Variants in EXOSC10 observed in about 807,000 individuals in gnomAD.
The protein encoded by EXOSC10 is exosome component 10, also known as exosome complex component 10.
EXOSC10 carries 94 observed loss-of-function variants against 126.6 expected under a neutral mutation model. The observed-to-expected ratio is 0.74, with a 90% CI of 0.63 to 0.88. The LOEUF is 0.88. Ranked by LOEUF, EXOSC10 falls within the 40% of genes least tolerant of loss-of-function variation. EXOSC10 has a pLI of 0.00. For synonymous variants in EXOSC10, 395 were observed against 400.8 expected (o/e 0.99, Z 0.17); for missense variants, 1,041 against 1,100.5 (o/e 0.95, Z 0.77).
rs758602364 is a variant in EXOSC10 at position 11,067,981 on chromosome 1, T to C, written c.2627+27A>G. On this transcript the variant is annotated intron_variant, in intron 24 of 24. Coordinates refer to ENST00000376936, the MANE Select transcript of EXOSC10 (RefSeq NM_001001998.3). ...GCAGGTGCTTTCTCACTGGGCTCCC[T>C]GGGCCACACCGCCGTCCACCACATA... 11 of 1,610,320 alleles carry C rather than the reference T, an allele frequency of 6.8e-6. No individual in the cohort carries two copies. In the South Asian group the frequency reaches 1.1e-4, roughly 16 times the overall value.
chr1:11,073,133 T>G (rs1432036896), intron 19 of EXOSC10: 1 of 152,192 alleles, frequency 6.6e-6, no homozygotes. Context: ...AGTTTCCAAG[T>G]GCTTTTCTTT....
intron 6 of EXOSC10, among the ~76,000 whole-genome samples, chr1:11,089,277 G>C (rs1266522466): frequency 7.5e-6 from 1 of 133,794 alleles, no homozygotes; most frequent in Non-Finnish European, 1.6e-5. Flanking sequence ...ATCCTAATAA[G>C]AAAGGCAGAG....
At chr1:11,083,972 G>C (rs1640343342) in intron 9 of EXOSC10, among the ~76,000 whole-genome samples, 1 of 152,056 alleles carries the variant, frequency 6.6e-6, no homozygotes, top group South Asian at 2.1e-4. Context: ...CTTTTTTATG[G>C]CTGCGTAGTA....
At position 11,071,002 on chromosome 1, in the gene EXOSC10, T is replaced by C. The variant is rs369718814; in HGVS notation, c.2243-29A>G. 13 of 1,608,830 alleles carry C rather than the reference T, an allele frequency of 8.1e-6. No homozygotes were observed. In the African/African-American group the frequency reaches 1.3e-4, roughly 17 times the overall value. On this transcript the variant is annotated intron_variant, in intron 20 of 24. Coordinates refer to ENST00000376936, the MANE Select transcript of EXOSC10 (RefSeq NM_001001998.3). Reference sequence around the variant, plus strand: ...CAAGGGAGAGAACTTGTCTCTGGAGTTGGTGAATCCAGCAACCACCCTCCC... The same window carrying C: ...CAAGGGAGAGAACTTGTCTCTGGAGCTGGTGAATCCAGCAACCACCCTCCC...
intron 16 of EXOSC10, 57 bp from the exon 17 acceptor site, chr1:11,077,005 T>C: frequency 7.1e-7 from 1 of 1,416,396 alleles, no homozygotes. Flanking sequence ...TATTTTTTCT[T>C]TTTGAGATGG....
In EXOSC10 at chr1:11,090,551, T is replaced by C. The variant is rs1376154571; in HGVS notation, c.758+3A>G. On this transcript the variant is annotated splice_donor_region_variant and intron_variant, in intron 6 of 24. Transcript: ENST00000376936. ...AGAAAGTCAGACACAGGCCAACACT[T>C]ACATGTCTTGCTCAACCTGCTGGGT... 2 of 1,612,798 alleles carry C rather than the reference T, an allele frequency of 1.2e-6. No homozygotes were observed. The highest frequency in any genetic ancestry group is 8.5e-7 in the Non-Finnish European group (1 of 1,178,886).
At chr1:11,095,651 T>C in intron 3 of EXOSC10, 107 bp downstream of exon 3, 1 of 1,015,636 alleles carries the variant, frequency 9.8e-7, no homozygotes, top group Non-Finnish European at 1.5e-6. Flanking sequence ...GAGGCAGAGC[T>C]TGCAGTGAGT....
intron 2 of EXOSC10, 141 bp from the exon 3 acceptor site, chr1:11,096,022 T>G: frequency 5.4e-6 from 5 of 929,778 alleles, no homozygotes; most frequent in Non-Finnish European, 7.8e-6. Context: ...CTTGCTCTGT[T>G]GCCCAGGCTG....
At chr1:11,089,596 G>C (rs1418568701) in intron 6 of EXOSC10, among the ~76,000 whole-genome samples, 1 of 147,434 alleles carries the variant, frequency 6.8e-6, no homozygotes, top group Admixed American at 6.9e-5. Flanking sequence ...ACTCCAGCCT[G>C]AGCAACAAGA....
chr1:11,067,067 C>T (rs541282527), intron 24 of EXOSC10, among the ~76,000 whole-genome samples: 1 of 152,238 alleles, frequency 6.6e-6, no homozygotes. Flanking sequence ...GAGGCCAAGG[C>T]GGGAGGATCA....
intron 7 of EXOSC10, 103 bp downstream of exon 7, chr1:11,088,020 C>T (rs1037707992): frequency 1.6e-6 from 2 of 1,270,678 alleles, no homozygotes; most frequent in African/African-American, 1.5e-5. Flanking sequence ...AACTTTCTCC[C>T]TTAAAGATCT....
intron 1 of EXOSC10, 129 bp downstream of exon 1, chr1:11,099,592 G>A: frequency 1.0e-6 from 1 of 993,874 alleles, no homozygotes; most frequent in South Asian, 1.8e-5. Context: ...TGCGCCCAGC[G>A]CGGACAGGGG....
chr1:11,088,282 A>G, intron 6 of EXOSC10, 84 bp from the exon 7 acceptor site: 1 of 953,446 alleles, frequency 1.0e-6, no homozygotes, highest in Non-Finnish European at 1.6e-6. Flanking sequence ...CCAATCTGTA[A>G]AAACAAATGA....
At chr1:11,092,118 C>T (rs1257895163) in intron 3 of EXOSC10, among the ~76,000 whole-genome samples, 1 of 152,168 alleles carries the variant, frequency 6.6e-6, no homozygotes, top group Non-Finnish European at 1.5e-5. Flanking sequence ...AGATGGTCCC[C>T]AATGTATGAC....
At chr1:11,073,630 C>T (rs143492861) in intron 19 of EXOSC10, among the ~76,000 whole-genome samples, 2,857 of 152,098 alleles carry the variant, frequency 0.019, 92 homozygotes, top group Admixed American at 0.069. Flanking sequence ...TAGCTCACGT[C>T]TGTAGTCCCA....
At chr1:11,077,685 T>G in intron 14 of EXOSC10, 34 bp from the exon 15 acceptor site, 2 of 1,588,758 alleles carry the variant, frequency 1.3e-6, no homozygotes, top group Non-Finnish European at 1.7e-6. Context: ...TGAGGAAAGT[T>G]GCCCAAGCAC....
intron 1 of EXOSC10, among the ~76,000 whole-genome samples, chr1:11,099,175 C>T (rs749978058): frequency 6.6e-6 from 1 of 152,228 alleles, no homozygotes; most frequent in Non-Finnish European, 1.5e-5. Flanking sequence ...CATATTTAAG[C>T]TAAGTTATAC....
At chr1:11,081,269 T>A (rs1367992008) in intron 10 of EXOSC10, 31 bp from the exon 11 acceptor site, 1 of 1,610,514 alleles carries the variant, frequency 6.2e-7, no homozygotes, top group South Asian at 1.1e-5. Context: ...GTTTTACTGA[T>A]TGCCCCCAAG....
chr1:11,099,485 C>T (rs1016547727), intron 1 of EXOSC10, among the ~76,000 whole-genome samples: 13 of 152,354 alleles, frequency 8.5e-5, no homozygotes, highest in Non-Finnish European at 1.6e-4. Context: ...TGCGAGACGG[C>T]TTTCCACATT....
Sources: allele counts gnomAD v4.1 joint callset (sites outside exome capture counted in the v4.1 genomes callset), GRCh38; gene constraint gnomAD v4.1.1; transcripts MANE v1.5; gene names NCBI Gene and HGNC (gene_info 2026-07-23, HGNC 2026-07-21).